The following MORC4 variants were observed in gnomAD, a reference collection of about 807,000 sequenced individuals.
The protein encoded by MORC4 is MORC family CW-type zinc finger protein 4.
Under a neutral mutation model 65.5 loss-of-function variants are expected in MORC4, and 22 were observed. The observed-to-expected ratio is 0.34, with a 90% CI of 0.24 to 0.48. The LOEUF (loss-of-function observed/expected upper bound fraction) is 0.48, where lower values mean the gene tolerates loss of function less well. Among genes scored for constraint, MORC4 ranks in the 20% least tolerant of loss-of-function variants. The pLI is 0.99. For synonymous variants in MORC4, 267 were observed against 255.8 expected, an observed-to-expected ratio of 1.04 and a Z score of -0.42; for missense variants, 624 against 703.0, an observed-to-expected ratio of 0.89 and a Z score of 1.27.
chrX:106,999,349 C>T (rs1442279864), intron 2 of MORC4, among the ~76,000 whole-genome samples: 1 of 111,927 alleles, frequency 8.9e-6, no homozygotes, highest in Non-Finnish European at 1.9e-5. Context: ...GACCCAGCTG[C>T]CTCAGGGCCC....
chrX:106,967,302 C>T (rs979644580), intron 9 of MORC4, among the ~76,000 whole-genome samples: 4 of 111,785 alleles, frequency 3.6e-5, no homozygotes, highest in Non-Finnish European at 7.5e-5. Flanking sequence ...AAACCCCATC[C>T]GTAGGTAGGT....
intron 9 of MORC4, among the ~76,000 whole-genome samples, chrX:106,974,154 C>G (rs993023633): frequency 7.2e-5 from 8 of 111,572 alleles, no homozygotes; most frequent in Non-Finnish European, 1.1e-4. Context: ...CAAACTGGAG[C>G]CAAATCCAGC....
At chrX:106,953,474 G>T (rs190815716) in intron 14 of MORC4, among the ~76,000 whole-genome samples, 1 of 111,513 alleles carries the variant, frequency 9.0e-6, no homozygotes, top group African/African-American at 3.3e-5. Flanking sequence ...TAAAATGGGA[G>T]TTGGAAAAGT....
chrX:106,992,119 T>G (rs1239553082), intron 3 of MORC4, among the ~76,000 whole-genome samples: 1 of 112,243 alleles, frequency 8.9e-6, no homozygotes, highest in East Asian at 2.8e-4. Flanking sequence ...GTTTCACTTT[T>G]AGAGGTTTTC....
At chrX:106,960,359 G>C (rs1934206813) in intron 10 of MORC4, among the ~76,000 whole-genome samples, 1 of 112,031 alleles carries the variant, frequency 8.9e-6, no homozygotes, top group African/African-American at 3.2e-5. Context: ...CATGCTTTCA[G>C]GAAATTGGTA....
intron 14 of MORC4, among the ~76,000 whole-genome samples, chrX:106,949,006 CTTCA>C (rs1933912305): frequency 9.0e-6 from 1 of 111,097 alleles, no homozygotes; most frequent in South Asian, 3.8e-4. Context: ...ATTTTTTCTA[CTTCA>C]TTTTCTCTCT....
At chrX:106,954,720 A>G (rs1432427053) in intron 14 of MORC4, among the ~76,000 whole-genome samples, 193 bp downstream of exon 14, 1 of 112,549 alleles carries the variant, frequency 8.9e-6, no homozygotes, top group African/African-American at 3.2e-5. Flanking sequence ...TAGACCTGAT[A>G]CAGCAGTTAT....
chrX:106,976,075 C>T (rs1934617102), intron 9 of MORC4, among the ~76,000 whole-genome samples: 1 of 111,409 alleles, frequency 9.0e-6, no homozygotes, highest in African/African-American at 3.3e-5. Flanking sequence ...AATATCCCTA[C>T]TGGTTCAGCC....
At chrX:106,967,516 C>T (rs1164394371) in intron 9 of MORC4, among the ~76,000 whole-genome samples, 3 of 111,950 alleles carry the variant, frequency 2.7e-5, no homozygotes, top group East Asian at 2.8e-4. Flanking sequence ...TAACAAACTA[C>T]TCTGAGCTAA....
At chrX:106,955,239 T>C (rs892004440) in intron 13 of MORC4, 151 bp from the exon 14 acceptor site, 3 of 435,199 alleles carry the variant, frequency 6.9e-6, no homozygotes, top group Non-Finnish European at 1.1e-5. Flanking sequence ...TAATGTACAC[T>C]AGAACACTGA....
intron 9 of MORC4, among the ~76,000 whole-genome samples, chrX:106,970,119 C>G (rs1236791025): frequency 8.9e-6 from 1 of 111,814 alleles, no homozygotes; most frequent in Non-Finnish European, 1.9e-5. Context: ...CATCAAAAAG[C>G]TTATCCTCCA....
intron 10 of MORC4, among the ~76,000 whole-genome samples, chrX:106,960,113 C>T (rs1220700264): frequency 8.9e-6 from 1 of 112,184 alleles, no homozygotes; most frequent in Non-Finnish European, 1.9e-5. Context: ...TATTTCTAGA[C>T]AGCCACTGTT....
At chrX:106,966,600 C>T (rs1210942474) in intron 9 of MORC4, among the ~76,000 whole-genome samples, 2 of 112,941 alleles carry the variant, frequency 1.8e-5, no homozygotes, top group South Asian at 3.6e-4. Flanking sequence ...ACTTTTCCCT[C>T]GGTCTTTGCA....
intron 9 of MORC4, among the ~76,000 whole-genome samples, chrX:106,962,341 A>T (rs1934268624): frequency 8.9e-6 from 1 of 112,459 alleles, no homozygotes; most frequent in African/African-American, 3.2e-5. Context: ...TGAAATGGTC[A>T]CAAGTGCTAA....
At chrX:106,993,086 TA>T (rs1935010061) in intron 3 of MORC4, 143 bp downstream of exon 3, 1 of 609,111 alleles carries the variant, frequency 1.6e-6, no homozygotes, top group Admixed American at 3.4e-5. Flanking sequence ...ATTTGTTTCA[TA>T]ACCAGTGCCC....
intron 3 of MORC4, among the ~76,000 whole-genome samples, chrX:106,987,084 G>A (rs886097322): frequency 3.6e-5 from 4 of 111,939 alleles, no homozygotes; most frequent in African/African-American, 1.3e-4. Flanking sequence ...ATGAGAAGGA[G>A]AAATGAATAG....
chrX:106,943,558 C>T (rs1191781991), intron 14 of MORC4, among the ~76,000 whole-genome samples: 1 of 111,967 alleles, frequency 8.9e-6, no homozygotes, highest in Non-Finnish European at 1.9e-5. Flanking sequence ...TACCCCAAAT[C>T]CCCTAACACA....
At chrX:106,990,217 A>G (rs1002863766) in intron 3 of MORC4, among the ~76,000 whole-genome samples, 1 of 110,013 alleles carries the variant, frequency 9.1e-6, no homozygotes, top group Non-Finnish European at 1.9e-5. Context: ...CCTTTGCTGG[A>G]AGTTAGGATT....
At chrX:106,978,236 G>C (rs748542974) in intron 7 of MORC4, 37 bp from the exon 8 acceptor site, 2 of 1,162,918 alleles carry the variant, frequency 1.7e-6, no homozygotes, top group East Asian at 3.1e-5. Flanking sequence ...AACATACCAG[G>C]GGCTTCAACG....
Sources: allele counts gnomAD v4.1 joint callset (sites outside exome capture counted in the v4.1 genomes callset), GRCh38; gene constraint gnomAD v4.1.1; transcripts MANE v1.5; gene names NCBI Gene and HGNC (gene_info 2026-07-23, HGNC 2026-07-21).